The following MICAL2 variants were observed in gnomAD, a reference collection of about 807,000 sequenced individuals.
The protein encoded by MICAL2 is [F-actin]-monooxygenase MICAL2.
A neutral mutation model predicts 127.3 loss-of-function variants in MICAL2; 77 were observed. The ratio of observed to expected loss-of-function variants is 0.60; its 90% CI spans 0.50 to 0.73. MICAL2 has a LOEUF of 0.73. Ranked by LOEUF, MICAL2 falls within the 30% of genes least tolerant of loss-of-function variation. The probability of loss-of-function intolerance (pLI) is 0.00; values close to 1 mark genes in which losing one functional copy is unlikely to be tolerated. For missense variants in MICAL2, 1,351 were observed against 1,434.4 expected (o/e 0.94, Z 0.94); for synonymous variants, 570 against 551.1 (o/e 1.03, Z -0.48).
intron 2 of MICAL2, among the ~76,000 whole-genome samples, chr11:12,282,604 G>C (rs1417328777): frequency 1.3e-5 from 2 of 152,188 alleles, no homozygotes; most frequent in African/African-American, 4.8e-5. Flanking sequence ...TGCTCTAATT[G>C]AATCATAAGT....
intron 2 of MICAL2, among the ~76,000 whole-genome samples, chr11:12,160,574 G>A (rs539978876): frequency 6.6e-6 from 1 of 152,348 alleles, no homozygotes; most frequent in South Asian, 2.1e-4. Flanking sequence ...ACATCCCTGT[G>A]TGGGTATTTC....
chr11:12,178,512 A>C lies in MICAL2; in HGVS notation c.264+16093A>C, dbSNP rs551047900. Among the ~76,000 whole-genome samples the C allele has an allele frequency of 2.0e-5, 3 of 152,228 alleles. No homozygotes were observed. The East Asian group carries it at 5.8e-4, about 29-fold the overall frequency. On this transcript the variant is annotated intron_variant, in intron 3 of 27. Coordinates refer to ENST00000683283, the MANE Select transcript of MICAL2 (RefSeq NM_001282663.2). ...GCTTCCAGGACATAGGTGGATTCAA[A>C]GATTTTCTGATTGGCAATTGGTTGA...
chr11:12,313,099 C>T (rs992651912), intron 29 of MICAL2, among the ~76,000 whole-genome samples: 7 of 130,508 alleles, frequency 5.4e-5, no homozygotes, highest in Non-Finnish European at 9.2e-5. Context: ...ACCGGAGAGG[C>T]GGAGCTTGCA....
intron 32 of MICAL2, among the ~76,000 whole-genome samples, chr11:12,337,607 C>T (rs1938789584): frequency 6.6e-6 from 1 of 151,960 alleles, no homozygotes; most frequent in Non-Finnish European, 1.5e-5. Flanking sequence ...ATAAATTTCC[C>T]TCTACACACT....
intron 1 of MICAL2, chr11:12,276,726 A>G (rs1863725851): frequency 6.6e-6 from 1 of 152,284 alleles, no homozygotes; most frequent in Non-Finnish European, 1.5e-5. Context: ...GTAAGTCAAC[A>G]GCAGGTATTG....
chr11:12,333,291 T>C (rs1046488566), intron 32 of MICAL2, among the ~76,000 whole-genome samples: 12 of 152,118 alleles, frequency 7.9e-5, no homozygotes, highest in Non-Finnish European at 1.6e-4. Flanking sequence ...GAAAATCTTA[T>C]GGTCTTTTCA....
At chr11:12,307,790 T>C (rs1211947072) in intron 29 of MICAL2, among the ~76,000 whole-genome samples, 1 of 152,108 alleles carries the variant, frequency 6.6e-6, no homozygotes, top group Non-Finnish European at 1.5e-5. Context: ...GGTCTATCTC[T>C]GTACTCTCTA....
chr11:12,315,323 T>C (rs374607061), intron 29 of MICAL2, among the ~76,000 whole-genome samples: 145 of 152,330 alleles, frequency 9.5e-4, no homozygotes, highest in African/African-American at 3.3e-3. Flanking sequence ...GGTAAAGCCA[T>C]ACATTTCCCT....
At chr11:12,239,612 C>T (rs769931040) in intron 17 of MICAL2, 27 bp downstream of exon 17, 4 of 1,606,484 alleles carry the variant, frequency 2.5e-6, no homozygotes, top group Non-Finnish European at 3.4e-6. Context: ...ACTCACTGGA[C>T]CTAACTTCCT....
At chr11:12,180,770 T>TCAGTATC in intron 3 of MICAL2, among the ~76,000 whole-genome samples, 1 of 150,706 alleles carries the variant, frequency 6.6e-6, no homozygotes. Flanking sequence ...GTCCTAGACT[T>TCAGTATC]TAGTTGCTCA....
At chr11:12,265,364 A>G (rs1863581079), downstream of MICAL2, among the ~76,000 whole-genome samples, 1 of 152,244 alleles carries the variant, frequency 6.6e-6, no homozygotes, top group African/African-American at 2.4e-5. Flanking sequence ...TTAAAGACTT[A>G]GAATTTTAAA....
chr11:12,357,368 C>T (rs1939144395), intron 34 of MICAL2, among the ~76,000 whole-genome samples: 1 of 152,192 alleles, frequency 6.6e-6, no homozygotes, highest in Admixed American at 6.5e-5. Context: ...TTCTAACAAT[C>T]CTATCTCCCC....
At chr11:12,253,544 C>G (rs1861858128) in intron 22 of MICAL2, 1 of 152,214 alleles carries the variant, frequency 6.6e-6, no homozygotes, top group Non-Finnish European at 1.5e-5. Flanking sequence ...ACTCTCACAC[C>G]ACTCACCTCT....
chr11:12,311,084 T>G (rs907413000), intron 29 of MICAL2, among the ~76,000 whole-genome samples: 1 of 152,210 alleles, frequency 6.6e-6, no homozygotes, highest in Non-Finnish European at 1.5e-5. Flanking sequence ...GGTTTTTGTG[T>G]GGAGTCTTTC....
intron 9 of MICAL2, among the ~76,000 whole-genome samples, chr11:12,220,792 T>C (rs1362217790): frequency 6.6e-6 from 1 of 152,216 alleles, no homozygotes; most frequent in African/African-American, 2.4e-5. Context: ...GGCCGAGACT[T>C]CTTCCTCATG....
chr11:12,315,209 T>A (rs984931730), intron 29 of MICAL2, among the ~76,000 whole-genome samples: 4 of 152,208 alleles, frequency 2.6e-5, no homozygotes, highest in Non-Finnish European at 5.9e-5. Context: ...AAGTCAATTG[T>A]CAGTCTTATT....
At chr11:12,286,296 G>A (rs1863826358) in intron 2 of MICAL2, among the ~76,000 whole-genome samples, 1 of 152,170 alleles carries the variant, frequency 6.6e-6, no homozygotes, top group South Asian at 2.1e-4. Flanking sequence ...GAGGCAGAGA[G>A]TAGAACTTCC....
intron 29 of MICAL2, among the ~76,000 whole-genome samples, chr11:12,315,180 C>T (rs1864218825): frequency 6.6e-6 from 1 of 152,174 alleles, no homozygotes; most frequent in African/African-American, 2.4e-5. Flanking sequence ...TTGTTCATAG[C>T]TTCCATTGTT....
rs533957222 is a variant in MICAL2, at chr11:12,324,032, G to A, written c.5383G>A (p.Val1795Ile). 5 of 1,613,174 alleles carry A rather than the reference G, an allele frequency of 3.1e-6. No homozygotes were observed. In the South Asian group the frequency reaches 3.3e-5, roughly 11 times the overall value. ...GCTAGAAAAAGCAATGAAGCAGTTGGTTAAGCAAGAAGAATTGAAAAGACT... is the reference window on the plus strand; with the variant it reads ...GCTAGAAAAAGCAATGAAGCAGTTGATTAAGCAAGAAGAATTGAAAAGACT... The change falls in exon 31 of 35, where the codon GTT (valine) becomes ATT (isoleucine). Residue 1795 changes from valine to isoleucine, a missense_variant. Transcript: ENST00000646065.
Sources: gnomAD v4.1 joint callset for allele counts (sites outside exome capture counted in the v4.1 genomes callset) on GRCh38, gnomAD v4.1.1 for gene constraint, MANE v1.5 for transcripts, NCBI Gene and HGNC (gene_info 2026-07-23, HGNC 2026-07-21) for gene names.